Variants in ATP9A observed in about 807,000 individuals in gnomAD.
The protein encoded by ATP9A is probable phospholipid-transporting ATPase IIA.
ATP9A carries 52 observed loss-of-function variants against 144.1 expected under a neutral mutation model. The ratio of observed to expected loss-of-function variants is 0.36; its 90% CI spans 0.29 to 0.45. The LOEUF (loss-of-function observed/expected upper bound fraction) is 0.45. ATP9A is among the 20% of genes least tolerant of loss of function. The pLI is 1.00. For synonymous variants in ATP9A, 582 were observed against 557.4 expected (o/e 1.04, Z -0.62); for missense variants, 947 against 1,392.7 (o/e 0.68, Z 5.09).
Position 51,639,494 on chromosome 20 carries a change from A to C in ATP9A, c.1517T>G (p.Val506Gly), listed in dbSNP as rs1220912795. The change falls in exon 15 of 28, where the codon GTA becomes GGA. Residue 506 changes from valine to glycine, a missense_variant. Physicochemically the swap from Val to Gly is moderately radical, Grantham distance 109. Coordinates refer to ENST00000338821, the MANE Select transcript of ATP9A (RefSeq NM_006045.3). ...TAAGCCCACACTTTCCGTCCACTGTACCAGGGCCACCTAAACATAACACAG... is the reference window on the plus strand; with the variant it reads ...TAAGCCCACACTTTCCGTCCACTGTCCCAGGGCCACCTAAACATAACACAG... The part of the protein sequence containing the change: ...QASSPDEVAL[V>G]QWTESVGLTL... The C allele has an allele frequency of 6.2e-7, 1 of 1,609,672 alleles. No individual in the cohort carries two copies. Among genetic ancestry groups the C allele is most frequent in the Non-Finnish European group, 8.5e-7 (1 of 1,178,286 alleles).
In ATP9A at chr20:51,622,158, T is replaced by C; in HGVS notation, c.2031A>G (p.Thr677=). The C allele has an allele frequency of 1.2e-6, 2 of 1,614,094 alleles. No individual in the cohort carries two copies. The highest frequency in any genetic ancestry group is 8.5e-7 in the Non-Finnish European group (1 of 1,179,948). Residue 677 remains threonine (T), a synonymous_variant, in exon 19 of 28, where the codon ACA becomes ACG. Transcript: ENST00000338821. ...RNAGIKVWML[T]GDKLETATCT... ...ACGTAGCTGTCTCCAGCTTGTCCCC[T>C]GTCAGCATCCAAACCTGAAATCATG...
Position 51,642,794 on chromosome 20 carries a change from T to C in ATP9A, c.1507-3290A>G, listed in dbSNP as rs118023086. On this transcript the variant is annotated intron_variant, in intron 14 of 27. Coordinates refer to ENST00000338821, the MANE Select transcript of ATP9A (RefSeq NM_006045.3). ...GCGTTCCTCTTGAGTTCCCATTCCT[T>C]TTACCAAGAGAGCTCTGCAGAAGCC... 7.1e-3 allele frequency among the ~76,000 whole-genome samples: 1,030 copies of C among 145,912 alleles called. 15 individuals are homozygous for C. Among genetic ancestry groups the C allele is most frequent in the Non-Finnish European group, 7.5e-3 (506 of 67,026 alleles).
chr20:51,681,957 GGTT>G (rs2077501709), intron 9 of ATP9A, among the ~76,000 whole-genome samples: 1 of 152,112 alleles, frequency 6.6e-6, no homozygotes, highest in African/African-American at 2.4e-5. Flanking sequence ...CCAAGGTGGT[GGTT>G]ACCCTTGGGC....
At chr20:51,647,627 G>A (rs1182052043) in intron 14 of ATP9A, among the ~76,000 whole-genome samples, 2 of 152,150 alleles carry the variant, frequency 1.3e-5, no homozygotes, top group African/African-American at 2.4e-5. Context: ...CTACCCAGGA[G>A]GCTAAGGCAG....
At chr20:51,617,387 ATTCT>A (rs56364687) in intron 22 of ATP9A, 99 bp downstream of exon 22, 206,995 of 1,236,974 alleles carry the variant, frequency 0.17, 18,410 homozygotes, top group African/African-American at 0.31. Context: ...ATGTTTTATC[ATTCT>A]TTATCTGGAA....
intron 9 of ATP9A, among the ~76,000 whole-genome samples, chr20:51,678,615 CCT>C (rs750295960): frequency 2.0e-5 from 3 of 152,198 alleles, no homozygotes; most frequent in Non-Finnish European, 2.9e-5. Flanking sequence ...CCTTCAGGCC[CCT>C]GTCACCACAG....
intron 13 of ATP9A, among the ~76,000 whole-genome samples, chr20:51,662,598 T>C (rs532510159): frequency 6.6e-6 from 1 of 152,106 alleles, no homozygotes; most frequent in Non-Finnish European, 1.5e-5. Context: ...TTATTTATTT[T>C]TTTTTTGGCA....
At chr20:51,705,455 C>T (rs1409043005) in intron 4 of ATP9A, among the ~76,000 whole-genome samples, 2 of 152,160 alleles carry the variant, frequency 1.3e-5, no homozygotes, top group Non-Finnish European at 1.5e-5. Context: ...TTTTATACCA[C>T]ATATGTAGGA....
chr20:51,621,007 T>C (rs1371489050), intron 19 of ATP9A, among the ~76,000 whole-genome samples: 1 of 151,586 alleles, frequency 6.6e-6, no homozygotes, highest in Admixed American at 6.6e-5. Context: ...ATTAGCCAGG[T>C]GTGGTGGCAG....
intron 4 of ATP9A, among the ~76,000 whole-genome samples, chr20:51,702,307 A>AG: frequency 6.6e-6 from 1 of 151,232 alleles, no homozygotes; most frequent in East Asian, 1.9e-4. Context: ...AAAAAAAAAA[A>AG]AAATTAAATA....
intron 1 of ATP9A, among the ~76,000 whole-genome samples, chr20:51,760,793 G>A (rs1248544363): frequency 6.6e-6 from 1 of 150,930 alleles, no homozygotes; most frequent in Non-Finnish European, 1.5e-5. Context: ...GGGAGGCCGA[G>A]GCAGGCGGAT....
At chr20:51,648,572 T>A (rs746919011) in intron 14 of ATP9A, among the ~76,000 whole-genome samples, 13 of 152,198 alleles carry the variant, frequency 8.5e-5, no homozygotes, top group Admixed American at 1.3e-4. Context: ...TGCTTACGCC[T>A]GTAATTCCAG....
intron 19 of ATP9A, among the ~76,000 whole-genome samples, chr20:51,620,929 C>A (rs1280203777): frequency 2.0e-5 from 3 of 151,978 alleles, no homozygotes; most frequent in African/African-American, 7.3e-5. Context: ...GGGAGAATCA[C>A]CTGAGGTCAG....
chr20:51,622,425 G>T (rs1568789477), intron 18 of ATP9A, among the ~76,000 whole-genome samples: 2 of 152,174 alleles, frequency 1.3e-5, no homozygotes, highest in Non-Finnish European at 2.9e-5. Context: ...CACACTACAG[G>T]AGGTACTATG....
chr20:51,631,348 G>C (rs887130383), intron 15 of ATP9A, among the ~76,000 whole-genome samples: 2 of 152,118 alleles, frequency 1.3e-5, no homozygotes, highest in African/African-American at 4.8e-5. Flanking sequence ...TGCTCTTGAC[G>C]CAGGCCAAAG....
intron 10 of ATP9A, 146 bp from the exon 11 acceptor site, chr20:51,674,459 T>C: frequency 2.8e-6 from 2 of 719,552 alleles, no homozygotes; most frequent in African/African-American, 1.8e-5. Flanking sequence ...TACAAACACC[T>C]CTACCCCAGG....
chr20:51,605,919 A>T (rs879817141), intron 26 of ATP9A, among the ~76,000 whole-genome samples: 1 of 150,130 alleles, frequency 6.7e-6, no homozygotes, highest in Admixed American at 6.6e-5. Flanking sequence ...TTACAAAAAA[A>T]AAAAAAAGAA....
At chr20:51,743,034 A>T (rs1224150414) in intron 1 of ATP9A, among the ~76,000 whole-genome samples, 3 of 152,192 alleles carry the variant, frequency 2.0e-5, no homozygotes, top group Non-Finnish European at 4.4e-5. Context: ...CACGGTAGAA[A>T]CCTTGAGCTT....
intron 22 of ATP9A, among the ~76,000 whole-genome samples, chr20:51,615,446 T>C (rs927166708): frequency 4.6e-5 from 7 of 152,150 alleles, no homozygotes; most frequent in Admixed American, 6.5e-5. Flanking sequence ...AAATGTACAG[T>C]GTGTTTTCAA....
Sources: allele counts gnomAD v4.1 joint callset (sites outside exome capture counted in the v4.1 genomes callset), GRCh38; gene constraint gnomAD v4.1.1; transcripts MANE v1.5; gene names NCBI Gene and HGNC (gene_info 2026-07-23, HGNC 2026-07-21).